The following AQP8 variants were observed in gnomAD, a reference collection of about 807,000 sequenced individuals.
The protein encoded by AQP8 is aquaporin-8.
A neutral mutation model predicts 26.1 loss-of-function variants in AQP8; 14 were observed. The ratio of observed to expected loss-of-function variants is 0.54; its 90% CI spans 0.35 to 0.84. AQP8 has a LOEUF of 0.84. AQP8 is among the 40% of genes least tolerant of loss of function. The pLI is 0.01. For synonymous variants in AQP8, 131 were observed against 150.7 expected, an observed-to-expected ratio of 0.87 and a Z score of 0.96; for missense variants, 301 against 340.5, an observed-to-expected ratio of 0.88 and a Z score of 0.91.
rs1022630516 is a variant in AQP8, at chr16:25,217,359, G to C, written c.174G>C (p.Glu58Asp). 1 of 1,614,116 alleles carries C rather than the reference G, an allele frequency of 6.2e-7. No homozygotes were observed. The highest frequency in any genetic ancestry group is 1.3e-5 in the African/African-American group (1 of 75,048). Reference sequence around the variant, plus strand: ...TCATCGGGTGCCTGTCGGTCATTGAGAATGGGACGGACACTGGGCTGCTGC... The same window carrying C: ...TCATCGGGTGCCTGTCGGTCATTGACAATGGGACGGACACTGGGCTGCTGC... The part of the protein sequence containing the change: ...FIFIGCLSVI[E>D]NGTDTGLLQP... The change falls in exon 2 of 6, where the codon GAG becomes GAC. Residue 58 changes from glutamate (E) to aspartate (D), a missense_variant. Transcript: ENST00000219660.
chr16:25,218,360 G>A (rs538375097), intron 2 of AQP8, among the ~76,000 whole-genome samples: 1 of 152,282 alleles, frequency 6.6e-6, no homozygotes, highest in East Asian at 1.9e-4. Context: ...AAAGGGACAG[G>A]CTTCTCTGGC....
At position 25,227,266 on chromosome 16, in the gene AQP8, T is replaced by C. The variant is rs558824932; in HGVS notation, c.737+64T>C. The C allele has an allele frequency of 5.0e-6, 8 of 1,603,052 alleles. No individual in the cohort carries two copies. The South Asian group carries it at 7.7e-5, about 15-fold the overall frequency. ...GCACTTGGCAACATCTCCCAGAGAG[T>C]CCGGGACTAGAGGGCTAGGCTCTCA... On this transcript the variant is annotated intron_variant, in intron 5 of 5. Coordinates refer to ENST00000219660, the MANE Select transcript of AQP8 (RefSeq NM_001169.3).
At position 25,219,013 on chromosome 16, in the gene AQP8, A is replaced by T. The variant is rs1433433106; in HGVS notation, c.260+1568A>T. Among the ~76,000 whole-genome samples, 5 of 151,486 alleles carry T rather than the reference A, an allele frequency of 3.3e-5. No individual in the cohort carries two copies. The South Asian group carries it at 1.0e-3, about 31-fold the overall frequency. On this transcript the variant is annotated intron_variant, in intron 2 of 5. Coordinates refer to ENST00000219660, the MANE Select transcript of AQP8 (RefSeq NM_001169.3). ...TCTGAGATTGAAGGCAACCTTTATC[A>T]CTTCTTAGCAGGGTGACCACAGCAA...
At chr16:25,225,486 T>TTTA (rs1555488526) in intron 4 of AQP8, among the ~76,000 whole-genome samples, 1 of 150,100 alleles carries the variant, frequency 6.7e-6, no homozygotes. Context: ...TTTTTTTTTT[T>TTTA]AGCTCCGCTT....
intron 2 of AQP8, among the ~76,000 whole-genome samples, chr16:25,221,146 C>A (rs755600215): frequency 6.6e-6 from 1 of 152,080 alleles, no homozygotes; most frequent in Non-Finnish European, 1.5e-5. Context: ...GGCCACATCT[C>A]TGAAGGGCTG....
Position 25,228,890 on chromosome 16 carries a change from G to A in AQP8, c.*398G>A. ...TGGCCACTTCCTTGCTTCTCAAGCT[G>A]ACAATTCTCACTTTGCAATAAATAG... On this transcript the variant is annotated 3_prime_UTR_variant, in exon 6 of 6. Coordinates refer to ENST00000219660, the MANE Select transcript of AQP8 (RefSeq NM_001169.3). 5.8e-6 allele frequency: 1 copy of A among 173,412 alleles called. No individual in the cohort carries two copies. The highest frequency in any genetic ancestry group is 5.9e-5 in the Admixed American group (1 of 16,954). 10.7% of individuals were successfully genotyped at this position (173,412 alleles called of 1,614,324 possible). A position where few individuals can be genotyped will look rare whatever the true frequency, so the allele number is the denominator to read the frequency against.
intron 4 of AQP8, among the ~76,000 whole-genome samples, chr16:25,226,535 G>A (rs1198221997): frequency 2.0e-5 from 3 of 152,130 alleles, no homozygotes; most frequent in Non-Finnish European, 4.4e-5. Context: ...GGGATTTCAG[G>A]CATGAGCCTC....
In AQP8 at chr16:25,217,076, T is replaced by A. The variant is rs768169072; in HGVS notation, c.12+19T>A. 3.1e-6 allele frequency: 5 copies of A among 1,613,976 alleles called. No individual in the cohort carries two copies. The Admixed American group carries it at 5.0e-5, about 16-fold the overall frequency. ...TGGAGAGGTGAGCCCTCTGTCGGCATCTTCCTCTCCAGGCTGGCAGAGCAA... is the reference window on the plus strand; with the variant it reads ...TGGAGAGGTGAGCCCTCTGTCGGCAACTTCCTCTCCAGGCTGGCAGAGCAA... On this transcript the variant is annotated intron_variant, in intron 1 of 5. Coordinates refer to ENST00000219660, the MANE Select transcript of AQP8 (RefSeq NM_001169.3).
chr16:25,221,685 C>A, intron 3 of AQP8, 102 bp downstream of exon 3: 2 of 1,424,720 alleles, frequency 1.4e-6, no homozygotes, highest in South Asian at 1.4e-5. Context: ...GGGGAAATGT[C>A]CAATCTTTTG....
chr16:25,226,919 T>C, intron 4 of AQP8, 149 bp from the exon 5 acceptor site: 1 of 1,212,256 alleles, frequency 8.2e-7, no homozygotes, highest in Non-Finnish European at 1.1e-6. Context: ...CCCCTCTGCC[T>C]TCTTTAGGAT....
chr16:25,226,331 C>T (rs758468147), intron 4 of AQP8, among the ~76,000 whole-genome samples: 2 of 152,188 alleles, frequency 1.3e-5, no homozygotes, highest in Admixed American at 6.5e-5. Flanking sequence ...GATCATGGCT[C>T]ACTGCAACTT....
At chr16:25,225,842 G>A (rs925012786) in intron 4 of AQP8, among the ~76,000 whole-genome samples, 3 of 152,214 alleles carry the variant, frequency 2.0e-5, no homozygotes, top group Admixed American at 6.5e-5. Context: ...CTCCCTGTAG[G>A]ATTCTGGGTC....
At chr16:25,222,681 G>T (rs1041035736) in intron 3 of AQP8, among the ~76,000 whole-genome samples, 2 of 151,988 alleles carry the variant, frequency 1.3e-5, no homozygotes, top group Admixed American at 6.6e-5. Context: ...GTGTGTGTGG[G>T]GGGTGGTGGA....
At chr16:25,226,541 G>A (rs1448302618) in intron 4 of AQP8, among the ~76,000 whole-genome samples, 3 of 152,094 alleles carry the variant, frequency 2.0e-5, no homozygotes, top group Non-Finnish European at 2.9e-5. Context: ...TCAGGCATGA[G>A]CCTCTGTGTC....
chr16:25,224,733 T>TGGTG (rs1276919184), intron 4 of AQP8, among the ~76,000 whole-genome samples, 157 bp downstream of exon 4: 3 of 151,486 alleles, frequency 2.0e-5, no homozygotes, highest in Admixed American at 6.6e-5. Context: ...CAACAGGGAG[T>TGGTG]GGTGGGGACT....
chr16:25,228,438 T>C lies in AQP8; in HGVS notation c.738-6T>C. The C allele has an allele frequency of 1.2e-6, 2 of 1,613,942 alleles. No homozygotes were observed. Among genetic ancestry groups the C allele is most frequent in the Non-Finnish European group, 1.7e-6 (2 of 1,179,904 alleles). On this transcript the variant is annotated splice_region_variant and splice_polypyrimidine_tract_variant and intron_variant, in intron 5 of 5. Coordinates refer to ENST00000219660, the MANE Select transcript of AQP8 (RefSeq NM_001169.3). ...CAGAGACCTTACTGGGTCATCTTTCTTGCAGGTGCTTCATTGGAGATGGGA... is the reference window on the plus strand; with the variant it reads ...CAGAGACCTTACTGGGTCATCTTTCCTGCAGGTGCTTCATTGGAGATGGGA...
chr16:25,227,317 A>G, intron 5 of AQP8, 115 bp downstream of exon 5: 2 of 1,387,284 alleles, frequency 1.4e-6, no homozygotes, highest in Non-Finnish European at 2.0e-6. Flanking sequence ...GAAAAGAGGG[A>G]GCCTCTTTAG....
rs1348771111 is a variant in AQP8 at position 25,228,565 on chromosome 16, T to C, written c.*73T>C. 6.6e-7 allele frequency: 1 copy of C among 1,518,480 alleles called. No homozygotes were observed. Among genetic ancestry groups the C allele is most frequent in the Non-Finnish European group, 9.1e-7 (1 of 1,096,010 alleles). 94.1% of individuals were successfully genotyped at this position (1,518,480 alleles called of 1,614,324 possible). On this transcript the variant is annotated 3_prime_UTR_variant, in exon 6 of 6. Transcript: ENST00000219660. Reference sequence around the variant, plus strand: ...TGTCCCAGACTGAGGACAGGGGAGTTCCTGCATTTCCTGCCAGGGCAGAGG... The same window carrying C: ...TGTCCCAGACTGAGGACAGGGGAGTCCCTGCATTTCCTGCCAGGGCAGAGG...
In AQP8 at chr16:25,228,503, G is replaced by C. The variant is rs367953396; in HGVS notation, c.*11G>C. 5 of 1,613,938 alleles carry C rather than the reference G, an allele frequency of 3.1e-6. No homozygotes were observed. The highest frequency in any genetic ancestry group is 3.4e-6 in the Non-Finnish European group (4 of 1,179,834). ...CTGAAGGCTCGGTGAAGCAGAGCTC[G>C]TGGGATTCCTGCTGCTCCAGGTGTC... On this transcript the variant is annotated 3_prime_UTR_variant, in exon 6 of 6. Coordinates refer to ENST00000219660, the MANE Select transcript of AQP8 (RefSeq NM_001169.3).
Sources: allele counts gnomAD v4.1 joint callset (sites outside exome capture counted in the v4.1 genomes callset), GRCh38; gene constraint gnomAD v4.1.1; transcripts MANE v1.5; gene names NCBI Gene and HGNC (gene_info 2026-07-23, HGNC 2026-07-21).